Variants in ZNF385D observed in about 807,000 individuals in gnomAD.
ZNF385D encodes zinc finger protein 659.
ZNF385D carries 15 observed loss-of-function variants against 35.8 expected under a neutral mutation model. The observed-to-expected ratio is 0.42, with a 90% CI of 0.28 to 0.64. The LOEUF is 0.64. Among genes scored for constraint, ZNF385D ranks in the 30% least tolerant of loss-of-function variants. The probability of loss-of-function intolerance (pLI) is 0.23; values close to 1 mark genes in which losing one functional copy is unlikely to be tolerated. For synonymous variants in ZNF385D, 212 were observed against 186.8 expected (o/e 1.13, Z -1.10); for missense variants, 474 against 494.6 (o/e 0.96, Z 0.39).
intron 1 of ZNF385D, among the ~76,000 whole-genome samples, chr3:21,749,414 G>A (rs1415654024): frequency 6.6e-6 from 1 of 152,176 alleles, no homozygotes; most frequent in Non-Finnish European, 1.5e-5. Context: ...TCAAGAGGGT[G>A]AAAATATAAA....
At chr3:22,040,290 A>C (rs111351022) in intron 3 of ZNF385D, among the ~76,000 whole-genome samples, 3 of 152,314 alleles carry the variant, frequency 2.0e-5, no homozygotes, top group African/African-American at 7.2e-5. Flanking sequence ...ACACAAGACT[A>C]AATTCTTCAT....
At chr3:22,155,194 A>G (rs1165443963) in intron 3 of ZNF385D, among the ~76,000 whole-genome samples, 1 of 152,160 alleles carries the variant, frequency 6.6e-6, no homozygotes, top group Non-Finnish European at 1.5e-5. Flanking sequence ...TTGTGTATCA[A>G]TAAAAATAAA....
At chr3:22,308,970 T>TA (rs1046577047) in intron 2 of ZNF385D, among the ~76,000 whole-genome samples, 2 of 152,122 alleles carry the variant, frequency 1.3e-5, no homozygotes, top group African/African-American at 2.4e-5. Flanking sequence ...GATGAATCCC[T>TA]ACCTTGCTTC....
chr3:21,940,417 A>G (rs1559774462), intron 3 of ZNF385D, among the ~76,000 whole-genome samples: 3 of 152,248 alleles, frequency 2.0e-5, no homozygotes, highest in African/African-American at 7.2e-5. Flanking sequence ...TTGGATGTGA[A>G]GATTAGGAAA....
At chr3:22,215,472 T>G (rs997424113) in intron 2 of ZNF385D, among the ~76,000 whole-genome samples, 1 of 151,888 alleles carries the variant, frequency 6.6e-6, no homozygotes, top group Non-Finnish European at 1.5e-5. Context: ...TCTTTTATGG[T>G]CGAGCTGTAA....
intron 3 of ZNF385D, among the ~76,000 whole-genome samples, chr3:21,962,109 G>C (rs1702631401): frequency 6.6e-6 from 1 of 152,032 alleles, no homozygotes; most frequent in South Asian, 2.1e-4. Context: ...TTAAAGTGCA[G>C]AAAACATATT....
At chr3:21,604,309 G>A (rs992116799) in intron 2 of ZNF385D, among the ~76,000 whole-genome samples, 1 of 152,204 alleles carries the variant, frequency 6.6e-6, no homozygotes, top group Non-Finnish European at 1.5e-5. Flanking sequence ...CTAGAGCTCA[G>A]AAACAAATGA....
intron 2 of ZNF385D, among the ~76,000 whole-genome samples, chr3:22,243,817 G>A (rs979484293): frequency 1.3e-5 from 2 of 150,762 alleles, no homozygotes; most frequent in African/African-American, 4.9e-5. Context: ...GAGATGGTCA[G>A]TACTCCAGAT....
intron 3 of ZNF385D, among the ~76,000 whole-genome samples, chr3:21,892,345 T>A (rs546263182): frequency 1.6e-3 from 243 of 152,262 alleles, no homozygotes; most frequent in African/African-American, 5.7e-3. Context: ...TAATAGCAAA[T>A]GACTGCCTCA....
chr3:22,220,183 C>T (rs1208409007), intron 2 of ZNF385D, among the ~76,000 whole-genome samples: 1 of 151,910 alleles, frequency 6.6e-6, no homozygotes, highest in African/African-American at 2.4e-5. Flanking sequence ...CCCACCTCAG[C>T]CACCTGAGTC....
chr3:21,471,385 A>C (rs1278921944), intron 4 of ZNF385D, among the ~76,000 whole-genome samples: 3 of 151,536 alleles, frequency 2.0e-5, no homozygotes, highest in Admixed American at 1.3e-4. Context: ...CTATCCATAC[A>C]AGGACATTAT....
chr3:22,184,471 T>A (rs1695491513), intron 2 of ZNF385D, among the ~76,000 whole-genome samples: 1 of 152,158 alleles, frequency 6.6e-6, no homozygotes, highest in Non-Finnish European at 1.5e-5. Context: ...ACTTTTGCAT[T>A]TGATGATGCT....
At chr3:21,566,237 C>G (rs2063142267) in intron 2 of ZNF385D, among the ~76,000 whole-genome samples, 1 of 150,440 alleles carries the variant, frequency 6.6e-6, no homozygotes, top group South Asian at 2.1e-4. Context: ...TCCACCTTCC[C>G]TTTAAATTTA....
intron 3 of ZNF385D, among the ~76,000 whole-genome samples, chr3:22,106,472 C>T (rs992998047): frequency 6.6e-6 from 1 of 152,248 alleles, no homozygotes; most frequent in Middle Eastern, 3.4e-3. Flanking sequence ...CCTTTTAGGA[C>T]CTTTTTCCTT....
intron 3 of ZNF385D, among the ~76,000 whole-genome samples, chr3:22,048,855 A>G (rs1699171975): frequency 6.6e-6 from 1 of 152,188 alleles, no homozygotes; most frequent in Admixed American, 6.5e-5. Context: ...AATAATAATT[A>G]TTAATTCTTT....
chr3:22,297,102 T>C (rs1702626248), intron 2 of ZNF385D, among the ~76,000 whole-genome samples: 1 of 152,094 alleles, frequency 6.6e-6, no homozygotes, highest in African/African-American at 2.4e-5. Context: ...AAACATATTG[T>C]ATTCTCCTAT....
At chr3:21,481,356 G>C (rs1704614804) in intron 4 of ZNF385D, among the ~76,000 whole-genome samples, 1 of 152,162 alleles carries the variant, frequency 6.6e-6, no homozygotes, top group African/African-American at 2.4e-5. Flanking sequence ...ATGGTCCCTT[G>C]TGGAGCTTGG....
chr3:21,598,737 G>GGACTT (rs1338480336), intron 2 of ZNF385D, among the ~76,000 whole-genome samples: 10 of 152,126 alleles, frequency 6.6e-5, no homozygotes, highest in African/African-American at 2.4e-4. Flanking sequence ...AAATATCTGA[G>GGACTT]GACTTGATAT....
intron 3 of ZNF385D, among the ~76,000 whole-genome samples, chr3:21,550,550 T>G (rs2062529892): frequency 6.6e-6 from 1 of 152,216 alleles, no homozygotes; most frequent in Non-Finnish European, 1.5e-5. Context: ...TGGTGTGATC[T>G]TGGCTTACTG....
Sources: gnomAD v4.1 joint callset for allele counts (sites outside exome capture counted in the v4.1 genomes callset) on GRCh38, gnomAD v4.1.1 for gene constraint, MANE v1.5 for transcripts, NCBI Gene and HGNC (gene_info 2026-07-23, HGNC 2026-07-21) for gene names.